Variants in CLCN3 observed in about 807,000 individuals in gnomAD.
CLCN3 encodes the protein Cl-/H+ antiporter 3, also known as H(+)/Cl(-) exchange transporter 3.
A neutral mutation model predicts 83.4 loss-of-function variants in CLCN3; 16 were observed. That is an observed-to-expected ratio of 0.19 (90% CI 0.13 to 0.29). CLCN3 has a LOEUF of 0.29. CLCN3 is among the 10% of genes least tolerant of loss of function. The pLI, the probability that CLCN3 is intolerant of heterozygous loss-of-function variation, is 1.00. For missense variants in CLCN3, 544 were observed against 1,006.0 expected, an observed-to-expected ratio of 0.54 and a Z score of 6.21; for synonymous variants, 322 against 346.2, an observed-to-expected ratio of 0.93 and a Z score of 0.78.
chr4:169,703,585 A>G (rs1202247815), intron 9 of CLCN3, among the ~76,000 whole-genome samples: 1 of 152,118 alleles, frequency 6.6e-6, no homozygotes, highest in East Asian at 1.9e-4. Flanking sequence ...GGTTACGTGG[A>G]TGAATTCTAT....
At position 169,722,733 on chromosome 4, in the gene CLCN3, G is replaced by A. The variant is rs2150285149; in HGVS notation, c.*2736G>A. 6.6e-6 allele frequency: 1 copy of A among 152,158 alleles called. No homozygotes were observed. Among genetic ancestry groups the A allele is most frequent in the South Asian group, 2.1e-4 (1 of 4,820 alleles). The allele number at this position is 152,158 out of a possible 1,614,324, so 9.4% of individuals were successfully genotyped here. Reference sequence around the variant, plus strand: ...GTTTTTTGGTATATTTCTATCCCTAGTATTTCTATCTTACTGCTAAAATAC... The same window carrying A: ...GTTTTTTGGTATATTTCTATCCCTAATATTTCTATCTTACTGCTAAAATAC... On this transcript the variant is annotated 3_prime_UTR_variant, in exon 13 of 13. Coordinates refer to ENST00000513761, the MANE Select transcript of CLCN3 (RefSeq NM_001829.4).
intron 2 of CLCN3, among the ~76,000 whole-genome samples, chr4:169,651,282 G>A (rs948990439): frequency 1.3e-5 from 2 of 152,006 alleles, no homozygotes; most frequent in African/African-American, 4.8e-5. Context: ...CTTTTCTTCT[G>A]TGCATGTAGA....
intron 1 of CLCN3, among the ~76,000 whole-genome samples, chr4:169,628,966 A>T (rs1773300544): frequency 6.6e-6 from 1 of 152,240 alleles, no homozygotes; most frequent in Non-Finnish European, 1.5e-5. Flanking sequence ...TCTGATAAAA[A>T]GGAAGGAACT....
At chr4:169,689,338 A>G in intron 5 of CLCN3, 108 bp downstream of exon 5, 1 of 898,870 alleles carries the variant, frequency 1.1e-6, no homozygotes, top group Non-Finnish European at 1.6e-6. Context: ...ATACACATCA[A>G]ATGGATCCAC....
intron 2 of CLCN3, among the ~76,000 whole-genome samples, chr4:169,657,026 C>T (rs899907313): frequency 6.6e-6 from 1 of 152,000 alleles, no homozygotes; most frequent in African/African-American, 2.4e-5. Context: ...TATTGTGTAC[C>T]TTTTCATCCT....
chr4:169,709,298 C>G (rs955355926), intron 11 of CLCN3, among the ~76,000 whole-genome samples: 1 of 151,296 alleles, frequency 6.6e-6, no homozygotes, highest in South Asian at 2.1e-4. Context: ...TCTCCTGTTT[C>G]ATACTAAAGC....
chr4:169,673,471 T>C, intron 2 of CLCN3, among the ~76,000 whole-genome samples: 1 of 152,234 alleles, frequency 6.6e-6, no homozygotes, highest in East Asian at 1.9e-4. Flanking sequence ...ATATTTTGTT[T>C]GCTTATTATC....
chr4:169,632,101 G>A (rs1331127254), intron 1 of CLCN3, among the ~76,000 whole-genome samples: 1 of 152,018 alleles, frequency 6.6e-6, no homozygotes, highest in Non-Finnish European at 1.5e-5. Flanking sequence ...AAGACACAAT[G>A]AAAAAGGAAA....
chr4:169,640,143 A>G (rs1422426966), intron 2 of CLCN3, among the ~76,000 whole-genome samples: 2 of 152,216 alleles, frequency 1.3e-5, no homozygotes, highest in African/African-American at 4.8e-5. Flanking sequence ...CTCACTAAAT[A>G]GTAGCTGTTT....
chr4:169,637,246 T>TTGTATTTCAGAATTGTATTTCAGA (rs1195298707), intron 2 of CLCN3, among the ~76,000 whole-genome samples: 1 of 152,140 alleles, frequency 6.6e-6, no homozygotes, highest in African/African-American at 2.4e-5. Flanking sequence ...CTTTTTCAGA[T>TTGTATTTCAGAATTGTATTTCAGA]ACATGTACGG....
chr4:169,674,144 GC>G (rs1258486296), intron 2 of CLCN3, among the ~76,000 whole-genome samples: 1 of 152,152 alleles, frequency 6.6e-6, no homozygotes, highest in African/African-American at 2.4e-5. Context: ...TAATCCTGGA[GC>G]ACATGTTACA....
intron 2 of CLCN3, chr4:169,659,977 A>G (rs1430239416): frequency 1.1e-6 from 1 of 893,668 alleles, no homozygotes; most frequent in African/African-American, 1.8e-5. Context: ...CTTAAAACCA[A>G]AAGAAATAAT....
chr4:169,637,581 A>AGAC (rs1471822289), intron 2 of CLCN3, among the ~76,000 whole-genome samples: 2 of 44,656 alleles, frequency 4.5e-5, no homozygotes, highest in East Asian at 8.8e-4. Flanking sequence ...AAAACCAAAC[A>AGAC]AACACCACCA....
Position 169,697,190 on chromosome 4 carries a change from T to C in CLCN3, c.1019T>C (p.Val340Ala). ...TTCTTTTCCTTTTCTTTTTTTTAGGTTAGCTATTATTTTCCTCTCAAAACT... is the reference window on the plus strand; with the variant it reads ...TTCTTTTCCTTTTCTTTTTTTTAGGCTAGCTATTATTTTCCTCTCAAAACT... ...IGGVLFSLEE[V>A]SYYFPLKTLW... The change falls in exon 9 of 13, where the codon GTT becomes GCT. Residue 340 changes from valine to alanine, a missense_variant and splice_region_variant. Physicochemically the swap from Val to Ala is moderately conservative, Grantham distance 64. This residue lies in a region of CLCN3 where 194 missense variants were observed against 341.4 expected (regional missense o/e 0.57). Transcript: ENST00000513761. 1 of 1,557,774 alleles carries C rather than the reference T, an allele frequency of 6.4e-7. No homozygotes were observed. The highest frequency in any genetic ancestry group is 8.6e-7 in the Non-Finnish European group (1 of 1,157,630).
intron 3 of CLCN3, among the ~76,000 whole-genome samples, chr4:169,685,764 G>C (rs567622029): frequency 6.6e-6 from 1 of 151,280 alleles, no homozygotes; most frequent in East Asian, 1.9e-4. Flanking sequence ...GACTCAGCCT[G>C]AAAACGGCTT....
At chr4:169,631,452 A>G (rs531074422) in intron 1 of CLCN3, among the ~76,000 whole-genome samples, 2 of 151,712 alleles carry the variant, frequency 1.3e-5, no homozygotes, top group South Asian at 2.1e-4. Context: ...ACGCCCGGCT[A>G]ATTTTTTTTG....
At chr4:169,654,810 A>C (rs1730834602) in intron 2 of CLCN3, among the ~76,000 whole-genome samples, 1 of 152,228 alleles carries the variant, frequency 6.6e-6, no homozygotes, top group African/African-American at 2.4e-5. Flanking sequence ...GTATGCTATA[A>C]GAATACATAA....
At chr4:169,671,590 T>C (rs551364319) in intron 2 of CLCN3, among the ~76,000 whole-genome samples, 1 of 152,290 alleles carries the variant, frequency 6.6e-6, no homozygotes, top group South Asian at 2.1e-4. Context: ...ATTCTGAACA[T>C]GTATCCCAGA....
At chr4:169,711,172 T>C (rs1162954943) in intron 11 of CLCN3, among the ~76,000 whole-genome samples, 1 of 152,250 alleles carries the variant, frequency 6.6e-6, no homozygotes, top group Non-Finnish European at 1.5e-5. Context: ...TTTTATACTA[T>C]TGATGTCACA....
Sources: gnomAD v4.1 joint callset for allele counts (sites outside exome capture counted in the v4.1 genomes callset) on GRCh38, gnomAD v4.1.1 for gene constraint, gnomAD v4.1.1 regional missense constraint, MANE v1.5 for transcripts, NCBI Gene and HGNC (gene_info 2026-07-23, HGNC 2026-07-21) for gene names.